The following HDAC8 variants were observed in gnomAD, a reference collection of about 807,000 sequenced individuals.
HDAC8 encodes histone deacetylase-like 1.
In HDAC8, 1 loss-of-function variant was observed where a neutral mutation model predicts 32.2. The ratio of observed to expected loss-of-function variants is 0.03; its 90% CI spans 0.01 to 0.15. The LOEUF (loss-of-function observed/expected upper bound fraction) is 0.15, where lower values mean the gene tolerates loss of function less well. Ranked by LOEUF, HDAC8 falls within the 10% of genes least tolerant of loss-of-function variation. The pLI, the probability that HDAC8 is intolerant of heterozygous loss-of-function variation, is 1.00. For synonymous variants in HDAC8, 108 were observed against 113.9 expected, an observed-to-expected ratio of 0.95 and a Z score of 0.33; for missense variants, 117 against 300.0, an observed-to-expected ratio of 0.39 and a Z score of 4.51.
At chrX:72,453,819 C>T (rs2047653130) in intron 9 of HDAC8, among the ~76,000 whole-genome samples, 1 of 111,843 alleles carries the variant, frequency 8.9e-6, no homozygotes, top group Admixed American at 9.5e-5. Flanking sequence ...ACATATTATA[C>T]AAGGGAACAA....
intron 7 of HDAC8, among the ~76,000 whole-genome samples, chrX:72,468,997 A>G (rs782368529): frequency 9.0e-6 from 1 of 111,526 alleles, no homozygotes; most frequent in South Asian, 3.8e-4. Flanking sequence ...ATTCCTTGTC[A>G]TAGACACACT....
At chrX:72,487,358 A>AT (rs1204329216) in intron 7 of HDAC8, among the ~76,000 whole-genome samples, 1 of 111,671 alleles carries the variant, frequency 9.0e-6, no homozygotes, top group African/African-American at 3.3e-5. Flanking sequence ...AGAAACAGAT[A>AT]TTTTTTCTGA....
intron 5 of HDAC8, among the ~76,000 whole-genome samples, chrX:72,494,469 A>G (rs2048961908): frequency 9.0e-6 from 1 of 111,401 alleles, no homozygotes; most frequent in Non-Finnish European, 1.9e-5. Context: ...AAATAAATGG[A>G]AATACTACGT....
chrX:72,348,418 C>A (rs2044087518), intron 10 of HDAC8, among the ~76,000 whole-genome samples: 1 of 112,292 alleles, frequency 8.9e-6, no homozygotes, highest in South Asian at 3.7e-4. Context: ...AGCAGCCTTT[C>A]CACGCTGACC....
chrX:72,523,275 A>T (rs1428778020), intron 4 of HDAC8, among the ~76,000 whole-genome samples: 1 of 111,965 alleles, frequency 8.9e-6, no homozygotes, highest in Non-Finnish European at 1.9e-5. Context: ...CATTGTGTCA[A>T]TCTTTTAAAT....
intron 9 of HDAC8, among the ~76,000 whole-genome samples, chrX:72,359,649 CAAATG>C (rs2044482523): frequency 9.0e-6 from 1 of 111,223 alleles, no homozygotes; most frequent in Admixed American, 9.5e-5. Flanking sequence ...CTGAGAGCAG[CAAATG>C]CAAAGCTGGG....
At position 72,444,400 on chromosome X, in the gene HDAC8, G is replaced by A. The variant is rs1265961581; in HGVS notation, c.1005+17604C>T. 3.6e-5 allele frequency among the ~76,000 whole-genome samples: 4 copies of A among 111,761 alleles called. No homozygotes were observed. The East Asian group carries it at 1.1e-3, about 31-fold the overall frequency. On this transcript the variant is annotated intron_variant, in intron 9 of 10. Coordinates refer to ENST00000373573, the MANE Select transcript of HDAC8 (RefSeq NM_018486.3). ...GTTCAATATACATAAATCAATAAAT[G>A]TAATCCAGCATATAAACAGAACCAA...
At chrX:72,355,266 C>G (rs1344223419) in intron 9 of HDAC8, among the ~76,000 whole-genome samples, 3 of 111,794 alleles carry the variant, frequency 2.7e-5, no homozygotes, top group Non-Finnish European at 5.6e-5. Context: ...AGCTTGAGGC[C>G]CCTCCAGCCC....
At chrX:72,383,785 G>C (rs2045337264) in intron 9 of HDAC8, among the ~76,000 whole-genome samples, 1 of 106,389 alleles carries the variant, frequency 9.4e-6, no homozygotes, top group Non-Finnish European at 1.9e-5. Flanking sequence ...CAGGAGAATG[G>C]TGTGAACCCG....
chrX:72,527,673 G>A (rs1457721488), intron 4 of HDAC8, among the ~76,000 whole-genome samples: 1 of 110,112 alleles, frequency 9.1e-6, no homozygotes, highest in Non-Finnish European at 1.9e-5. Flanking sequence ...GGTCACTATT[G>A]TATCTCTAGC....
intron 9 of HDAC8, among the ~76,000 whole-genome samples, chrX:72,411,030 C>CTTTTCTTTTCTTTCTTTCTTCCTT (rs113344428): frequency 1.2e-5 from 1 of 83,581 alleles, no homozygotes; most frequent in African/African-American, 5.1e-5. Flanking sequence ...TTCTTTCTTT[C>CTTTTCTTTTCTTTCTTTCTTCCTT]TTTTTTTTTT....
chrX:72,514,311 G>A (rs2049710013), intron 4 of HDAC8, among the ~76,000 whole-genome samples: 1 of 111,840 alleles, frequency 8.9e-6, no homozygotes, highest in African/African-American at 3.3e-5. Context: ...ACCACTTGGT[G>A]GTACATTTGT....
chrX:72,492,090 T>TA (rs1441275855), intron 5 of HDAC8, among the ~76,000 whole-genome samples: 1 of 111,236 alleles, frequency 9.0e-6, no homozygotes, highest in Non-Finnish European at 1.9e-5. Context: ...AAGCATGAAG[T>TA]AAAAAAAATA....
chrX:72,382,801 T>C (rs782422264), intron 9 of HDAC8, among the ~76,000 whole-genome samples: 72 of 111,740 alleles, frequency 6.4e-4, no homozygotes, highest in South Asian at 1.5e-3. Flanking sequence ...CATACCAGAA[T>C]TAGGTAGTGG....
intron 4 of HDAC8, among the ~76,000 whole-genome samples, chrX:72,517,659 C>A (rs1556026054): frequency 9.0e-6 from 1 of 111,259 alleles, no homozygotes; most frequent in African/African-American, 3.3e-5. Context: ...ATCCTAGTAC[C>A]ATTTGTGGAA....
At chrX:72,428,179 C>T (rs782416641) in intron 9 of HDAC8, among the ~76,000 whole-genome samples, 5 of 112,149 alleles carry the variant, frequency 4.5e-5, no homozygotes, top group African/African-American at 9.7e-5. Context: ...CTGCAACCTC[C>T]GCCTCCCAGG....
Position 72,382,142 on chromosome X carries a change from T to C in HDAC8, c.1006-30304A>G, listed in dbSNP as rs781996438. ...TGTCTAACCTGTCTGCACAGTGCAGTGTACTCTGCCCACTGGCAAACAGAA... is the reference window on the plus strand; with the variant it reads ...TGTCTAACCTGTCTGCACAGTGCAGCGTACTCTGCCCACTGGCAAACAGAA... On this transcript the variant is annotated intron_variant, in intron 9 of 10. Transcript: ENST00000373573. 1.3e-3 allele frequency among the ~76,000 whole-genome samples: 151 copies of C among 112,806 alleles called. 2 individuals are homozygous for C. Among genetic ancestry groups the C allele is most frequent in the African/African-American group, 4.8e-3 (148 of 31,137 alleles).
At chrX:72,356,704 C>G (rs1186698997) in intron 9 of HDAC8, among the ~76,000 whole-genome samples, 1 of 111,148 alleles carries the variant, frequency 9.0e-6, no homozygotes, top group East Asian at 2.8e-4. Context: ...CTCAGCCACC[C>G]GAGTAACTGG....
intron 7 of HDAC8, among the ~76,000 whole-genome samples, chrX:72,478,237 A>G (rs1193477614): frequency 8.9e-6 from 1 of 112,407 alleles, no homozygotes; most frequent in African/African-American, 3.2e-5. Context: ...AATGATTCTT[A>G]AAGCCCCTTC....
Sources: allele counts gnomAD v4.1 joint callset (sites outside exome capture counted in the v4.1 genomes callset), GRCh38; gene constraint gnomAD v4.1.1; transcripts MANE v1.5; gene names NCBI Gene and HGNC (gene_info 2026-07-23, HGNC 2026-07-21).